The following PTPRD variants were observed in gnomAD, a reference collection of about 807,000 sequenced individuals.
The protein encoded by PTPRD is receptor-type tyrosine-protein phosphatase delta.
A neutral mutation model predicts 214.5 loss-of-function variants in PTPRD; 34 were observed. That is an observed-to-expected ratio of 0.16 (90% CI 0.12 to 0.21). The LOEUF (loss-of-function observed/expected upper bound fraction) is 0.21. PTPRD is among the 10% of genes least tolerant of loss of function. PTPRD has a pLI of 1.00. For synonymous variants in PTPRD, 1,128 were observed against 845.7 expected (o/e 1.33, Z -5.79); for missense variants, 2,545 against 2,398.7 (o/e 1.06, Z -1.27).
At chr9:9,427,691 C>T (rs1219853981) in intron 8 of PTPRD, among the ~76,000 whole-genome samples, 1 of 152,150 alleles carries the variant, frequency 6.6e-6, no homozygotes, top group African/African-American at 2.4e-5. Context: ...AAAGGGAAGC[C>T]CATCAGACTA....
intron 3 of PTPRD, among the ~76,000 whole-genome samples, chr9:10,125,423 T>TTTATTATTA (rs71485319): frequency 2.5e-3 from 333 of 133,534 alleles, no homozygotes; most frequent in Non-Finnish European, 3.0e-3. Context: ...TTTGTTTTAT[T>TTTATTATTA]TTATTATTAT....
chr9:9,481,148 G>A (rs1349791392), intron 8 of PTPRD, among the ~76,000 whole-genome samples: 2 of 152,168 alleles, frequency 1.3e-5, no homozygotes, highest in African/African-American at 4.8e-5. Flanking sequence ...AAAGGGTGGA[G>A]TGTAGCGAGG....
At chr9:9,417,768 A>G (rs1331396874) in intron 8 of PTPRD, among the ~76,000 whole-genome samples, 1 of 152,088 alleles carries the variant, frequency 6.6e-6, no homozygotes, top group African/African-American at 2.4e-5. Flanking sequence ...TTTGTCATCT[A>G]TAAAATGAGA....
At chr9:8,886,926 T>A (rs1451336769) in intron 11 of PTPRD, among the ~76,000 whole-genome samples, 1 of 152,218 alleles carries the variant, frequency 6.6e-6, no homozygotes, top group East Asian at 1.9e-4. Context: ...AGATACCGAA[T>A]AAATATTTTG....
intron 2 of PTPRD, among the ~76,000 whole-genome samples, chr9:10,454,346 G>A (rs1165214902): frequency 1.3e-5 from 2 of 151,226 alleles, no homozygotes; most frequent in Admixed American, 6.6e-5. Context: ...AAATAGTACA[G>A]GGTTTTACAG....
At chr9:10,511,084 G>T (rs2047862330) in intron 2 of PTPRD, among the ~76,000 whole-genome samples, 1 of 151,966 alleles carries the variant, frequency 6.6e-6, no homozygotes, top group South Asian at 2.1e-4. Context: ...GTTATTGTGT[G>T]AACAACAGTG....
intron 12 of PTPRD, among the ~76,000 whole-genome samples, chr9:8,670,644 T>A (rs1267973580): frequency 6.6e-6 from 1 of 152,174 alleles, no homozygotes; most frequent in Admixed American, 6.5e-5. Context: ...ATTTGTTTTT[T>A]AAAAATCTAT....
chr9:10,325,683 T>C (rs2096630704), intron 3 of PTPRD, among the ~76,000 whole-genome samples: 1 of 151,874 alleles, frequency 6.6e-6, no homozygotes, highest in Non-Finnish European at 1.5e-5. Flanking sequence ...AGCTACACCT[T>C]TCAAAACAAC....
intron 3 of PTPRD, among the ~76,000 whole-genome samples, chr9:10,340,421 C>G (rs1203900022): frequency 6.6e-6 from 1 of 151,828 alleles, no homozygotes; most frequent in Non-Finnish European, 1.5e-5. Flanking sequence ...CTGGCTATAT[C>G]ACACCAGTGT....
intron 9 of PTPRD, among the ~76,000 whole-genome samples, chr9:9,328,928 G>A (rs999796641): frequency 5.3e-5 from 8 of 151,814 alleles, no homozygotes; most frequent in Non-Finnish European, 1.2e-4. Flanking sequence ...GTGAGCCACC[G>A]CGCCTAGCAT....
At chr9:8,350,025 C>T (rs531388826) in intron 39 of PTPRD, among the ~76,000 whole-genome samples, 18 of 151,250 alleles carry the variant, frequency 1.2e-4, no homozygotes, top group Non-Finnish European at 2.2e-4. Context: ...AGTATGCCTA[C>T]TAGGAAATTG....
At chr9:9,952,940 G>A (rs1392695935) in intron 4 of PTPRD, among the ~76,000 whole-genome samples, 1 of 152,122 alleles carries the variant, frequency 6.6e-6, no homozygotes, top group Non-Finnish European at 1.5e-5. Flanking sequence ...TTGGCAAGTA[G>A]AAGAGCCCTC....
At chr9:8,563,318 G>A (rs1415222165) in intron 14 of PTPRD, among the ~76,000 whole-genome samples, 2 of 151,880 alleles carry the variant, frequency 1.3e-5, no homozygotes, top group African/African-American at 2.4e-5. Flanking sequence ...CTATCAGACT[G>A]TATGTTTTAG....
intron 11 of PTPRD, among the ~76,000 whole-genome samples, chr9:8,807,503 A>G (rs2096711021): frequency 6.6e-6 from 1 of 152,082 alleles, no homozygotes; most frequent in African/African-American, 2.4e-5. Flanking sequence ...CAAAGCAACT[A>G]CACATGAGGA....
At chr9:9,884,968 G>A (rs115172193) in intron 5 of PTPRD, among the ~76,000 whole-genome samples, 6,104 of 152,076 alleles carry the variant, frequency 0.04, 352 homozygotes, top group African/African-American at 0.13. Context: ...GTGTGAGAAC[G>A]GACTAATACA....
chr9:8,681,173 C>G lies in PTPRD; in HGVS notation c.65-44329G>C, dbSNP rs1048474125. 4.6e-5 allele frequency among the ~76,000 whole-genome samples: 7 copies of G among 152,262 alleles called. No individual in the cohort carries two copies. The East Asian group carries it at 1.4e-3, about 29-fold the overall frequency. On this transcript the variant is annotated intron_variant, in intron 12 of 45. Transcript: ENST00000381196. ...CCAACACATCCACAGCTTCCCTGATCAATCATCCATAGACGCAGACACTCA... is the reference window on the plus strand; with the variant it reads ...CCAACACATCCACAGCTTCCCTGATGAATCATCCATAGACGCAGACACTCA...
At chr9:9,210,665 TTGCCACA>T (rs1435479769) in intron 9 of PTPRD, among the ~76,000 whole-genome samples, 5 of 152,000 alleles carry the variant, frequency 3.3e-5, no homozygotes, top group African/African-American at 7.2e-5. Flanking sequence ...TACAAATGAC[TTGCCACA>T]TGCCACATGC....
intron 43 of PTPRD, among the ~76,000 whole-genome samples, chr9:8,334,931 G>A (rs995466176): frequency 2.0e-5 from 3 of 147,022 alleles, no homozygotes; most frequent in Admixed American, 6.8e-5. Context: ...TAAATTCCTG[G>A]AGACGTACAC....
At chr9:10,307,830 C>CT (rs368405910) in intron 3 of PTPRD, among the ~76,000 whole-genome samples, 11 of 151,650 alleles carry the variant, frequency 7.3e-5, no homozygotes, top group African/African-American at 1.9e-4. Context: ...ATGCTAAACG[C>CT]TTTTTTCATT....
Sources: allele counts gnomAD v4.1 joint callset (sites outside exome capture counted in the v4.1 genomes callset), GRCh38; gene constraint gnomAD v4.1.1; transcripts MANE v1.5; gene names NCBI Gene and HGNC (gene_info 2026-07-23, HGNC 2026-07-21).